Variants in ZNF91 observed in about 807,000 individuals in gnomAD.
ZNF91 encodes the protein zinc finger protein 91, also known as zinc finger protein 91 (HPF7, HTF10).
In ZNF91, 7 loss-of-function variants were observed where a neutral mutation model predicts 12.6. The observed-to-expected ratio is 0.55, with a 90% CI of 0.31 to 1.04. The LOEUF (loss-of-function observed/expected upper bound fraction) is 1.04, where lower values mean the gene tolerates loss of function less well. Among genes scored for constraint, ZNF91 ranks in the 50% least tolerant of loss-of-function variants. The pLI is 0.05. For missense variants in ZNF91, 1,217 were observed against 1,385.4 expected (o/e 0.88, Z 1.93); for synonymous variants, 453 against 462.6 (o/e 0.98, Z 0.27).
chr19:23,349,212 C>T (rs1339763113), intron 3 of ZNF91, among the ~76,000 whole-genome samples: 1 of 152,098 alleles, frequency 6.6e-6, no homozygotes, highest in African/African-American at 2.4e-5. Context: ...ACCTCTGTGA[C>T]TCACTCCCAA....
chr19:23,373,013 C>A (rs896427237), intron 3 of ZNF91, among the ~76,000 whole-genome samples: 12 of 152,170 alleles, frequency 7.9e-5, no homozygotes, highest in Admixed American at 6.5e-4. Context: ...CCCCTTTTAA[C>A]AACACAACTA....
intron 3 of ZNF91, among the ~76,000 whole-genome samples, chr19:23,367,515 C>A (rs905920265): frequency 2.0e-5 from 3 of 152,016 alleles, no homozygotes; most frequent in African/African-American, 7.3e-5. Context: ...TCAATAGAAT[C>A]TTTATAAAAA....
intron 1 of ZNF91, among the ~76,000 whole-genome samples, chr19:23,375,423 T>C (rs1969471732): frequency 6.6e-6 from 1 of 152,118 alleles, no homozygotes. Flanking sequence ...CCTCCCAAAG[T>C]GCTGGGATTA....
At chr19:23,365,335 G>A (rs1017567250) in intron 3 of ZNF91, among the ~76,000 whole-genome samples, 3 of 150,856 alleles carry the variant, frequency 2.0e-5, no homozygotes, top group Admixed American at 6.6e-5. Flanking sequence ...TCCAGGCACC[G>A]TGGGCTGATG....
intron 3 of ZNF91, among the ~76,000 whole-genome samples, chr19:23,345,320 C>A (rs1408768565): frequency 6.6e-6 from 1 of 152,180 alleles, no homozygotes; most frequent in South Asian, 2.1e-4. Flanking sequence ...ACCTACAAAC[C>A]TCAGGCCTCA....
intron 3 of ZNF91, among the ~76,000 whole-genome samples, chr19:23,371,098 T>C (rs1185075462): frequency 6.6e-6 from 1 of 152,094 alleles, no homozygotes; most frequent in Non-Finnish European, 1.5e-5. Flanking sequence ...CCCAGCACTT[T>C]GGGAGGCCAC....
downstream of ZNF91, among the ~76,000 whole-genome samples, chr19:23,337,575 C>T (rs903107525): frequency 1.3e-5 from 2 of 150,568 alleles, no homozygotes; most frequent in African/African-American, 4.9e-5. Flanking sequence ...CATAAAGACA[C>T]AGGAAACACA....
At chr19:23,371,306 T>A (rs1162381368) in intron 3 of ZNF91, among the ~76,000 whole-genome samples, 1 of 151,802 alleles carries the variant, frequency 6.6e-6, no homozygotes, top group African/African-American at 2.4e-5. Context: ...AGATCATGCA[T>A]TGCACTCCAG....
chr19:23,311,112 C>T (rs1324964944), upstream of ZNF91, among the ~76,000 whole-genome samples: 1 of 152,194 alleles, frequency 6.6e-6, no homozygotes, highest in Non-Finnish European at 1.5e-5. Flanking sequence ...TGTGACTTAT[C>T]TGTGGGTCTC....
chr19:23,348,125 G>A (rs904644235), intron 3 of ZNF91, among the ~76,000 whole-genome samples: 6 of 152,010 alleles, frequency 3.9e-5, no homozygotes, highest in African/African-American at 1.4e-4. Flanking sequence ...AGGCAAAGTT[G>A]AAAAAAATTA....
Position 23,359,060 on chromosome 19 carries a change from T to C in ZNF91, c.*343A>G. The stretch of plus-strand genomic sequence containing the variant: ...GGTTGCTGTCCAGTATGAATTTTCT[T>C]ATGTCTGGTTAGGGCTGAGGACCAG... On this transcript the variant is annotated 3_prime_UTR_variant, in exon 4 of 4. Coordinates refer to ENST00000300619, the MANE Select transcript of ZNF91 (RefSeq NM_003430.4). 2 of 547,744 alleles carry C rather than the reference T, an allele frequency of 3.7e-6. No homozygotes were observed. The highest frequency in any genetic ancestry group is 9.2e-5 in the East Asian group (2 of 21,630). 33.9% of individuals were successfully genotyped at this position (547,744 alleles called of 1,614,324 possible).
At chr19:23,370,909 A>T (rs1453615556) in intron 3 of ZNF91, among the ~76,000 whole-genome samples, 1 of 152,224 alleles carries the variant, frequency 6.6e-6, no homozygotes, top group East Asian at 1.9e-4. Context: ...AAAGAATTAT[A>T]AATTTTCTTG....
chr19:23,385,612 CA>C (rs1183949407), intron 1 of ZNF91, among the ~76,000 whole-genome samples: 2 of 152,190 alleles, frequency 1.3e-5, no homozygotes, highest in African/African-American at 4.8e-5. Context: ...GCACTAGCTA[CA>C]AAGGGCTGGA....
rs1383750641 is a variant in ZNF91, at chr19:23,374,773, C to T, written c.31-9G>A. On this transcript the variant is annotated splice_polypyrimidine_tract_variant and intron_variant, in intron 1 of 3. Transcript: ENST00000300619. ...CTAAATGTCAACAGTCCCTGAAAAA[C>T]ACACACAAACACACATATTTACAAA... 6.2e-7 allele frequency: 1 copy of T among 1,606,660 alleles called. No individual in the cohort carries two copies. Among genetic ancestry groups the T allele is most frequent in the Non-Finnish European group, 8.5e-7 (1 of 1,176,220 alleles).
At chr19:23,315,536 A>G (rs1343188244), upstream of ZNF91, among the ~76,000 whole-genome samples, 3 of 151,268 alleles carry the variant, frequency 2.0e-5, no homozygotes, top group Non-Finnish European at 4.4e-5. Context: ...CCACTGCAAC[A>G]TATCTTTGGG....
intron 3 of ZNF91, among the ~76,000 whole-genome samples, chr19:23,342,422 C>G (rs539248703): frequency 2.6e-5 from 4 of 152,090 alleles, no homozygotes; most frequent in Non-Finnish European, 5.9e-5. Flanking sequence ...TTAAAACATA[C>G]GTGACATTTC....
At chr19:23,377,739 T>A (rs1203483538) in intron 1 of ZNF91, among the ~76,000 whole-genome samples, 2 of 152,204 alleles carry the variant, frequency 1.3e-5, no homozygotes, top group Non-Finnish European at 2.9e-5. Context: ...AAACAGCAAT[T>A]TCTGAGTAAG....
At chr19:23,329,461 C>T (rs1463278080) in intron 1 of ZNF91, among the ~76,000 whole-genome samples, 4 of 152,040 alleles carry the variant, frequency 2.6e-5, no homozygotes, top group African/African-American at 9.7e-5. Context: ...TTGTGATATG[C>T]TTAATGTCTT....
rs547721254 is a variant in ZNF91, at chr19:23,317,668, G to A, written n.117-8571C>T. On this transcript the variant is annotated intron_variant and non_coding_transcript_variant, in intron 1 of 1. Transcript: ENST00000596528. ...CTGAACGTCACATTTGGAGGCAGTC[G>A]AAACTTGAAAAAGTGACTCTTATAT... Among the ~76,000 whole-genome samples, 15 of 152,216 alleles carry A rather than the reference G, an allele frequency of 9.9e-5. No homozygotes were observed. The South Asian group carries it at 2.7e-3, about 27-fold the overall frequency.
Sources: gnomAD v4.1 joint callset for allele counts (sites outside exome capture counted in the v4.1 genomes callset) on GRCh38, gnomAD v4.1.1 for gene constraint, MANE v1.5 for transcripts, NCBI Gene and HGNC (gene_info 2026-07-23, HGNC 2026-07-21) for gene names.